KATNIP: variants seen among roughly 807,000 people sequenced by gnomAD.
The protein encoded by KATNIP is katanin-interacting protein.
In KATNIP, 126 loss-of-function variants were observed where a neutral mutation model predicts 174.0. The ratio of observed to expected loss-of-function variants is 0.72; its 90% CI spans 0.63 to 0.84. The LOEUF (loss-of-function observed/expected upper bound fraction) is 0.84, where lower values mean the gene tolerates loss of function less well. KATNIP is among the 40% of genes least tolerant of loss of function. The pLI is 0.00. For missense variants in KATNIP, 1,958 were observed against 2,109.7 expected (o/e 0.93, Z 1.41); for synonymous variants, 810 against 835.7 (o/e 0.97, Z 0.53).
chr16:27,692,129 T>C (rs1426952076), intron 8 of KATNIP, among the ~76,000 whole-genome samples: 1 of 152,210 alleles, frequency 6.6e-6, no homozygotes, highest in Non-Finnish European at 1.5e-5. Context: ...AATGAGCTTG[T>C]GAATTTCAGG....
chr16:27,568,409 G>A (rs370239890), intron 1 of KATNIP, among the ~76,000 whole-genome samples: 4 of 152,186 alleles, frequency 2.6e-5, no homozygotes, highest in African/African-American at 7.2e-5. Context: ...AAGGAAAAAT[G>A]CATTTGTGCT....
rs1395990121 is a variant in KATNIP at position 27,749,713 on chromosome 16, A to G, written c.2753A>G (p.Glu918Gly). ...RSHRGRISNT[E>G]LPGDILDELL... ...CACCGGGGACGCATCTCCAACACGG[A>G]GCTCCCGGGGGACATCCTGGATGAG... The change falls in exon 16 of 28, where the codon GAG (glutamate) becomes GGG (glycine). Residue 918 changes from glutamate (E) to glycine (G), a missense_variant. Physicochemically the swap from Glu to Gly is moderately conservative, Grantham distance 98 (BLOSUM62 -2). Transcript: ENST00000261588. 6.2e-7 allele frequency: 1 copy of G among 1,613,480 alleles called. No homozygotes were observed. The highest frequency in any genetic ancestry group is 8.5e-7 in the Non-Finnish European group (1 of 1,179,764).
chr16:27,742,370 G>A (rs763996180), intron 15 of KATNIP, among the ~76,000 whole-genome samples: 2 of 152,186 alleles, frequency 1.3e-5, no homozygotes, highest in Non-Finnish European at 2.9e-5. Context: ...CTTCCAAATA[G>A]CAACACTGAG....
rs1319399202 is a variant in KATNIP, at chr16:27,777,738, C to T, written c.4680C>T (p.Asp1560=). 3 of 1,614,002 alleles carry T rather than the reference C, an allele frequency of 1.9e-6. No individual in the cohort carries two copies. The highest frequency in any genetic ancestry group is 1.1e-5 in the South Asian group (1 of 91,042). The change falls in exon 26 of 28, where the codon GAC becomes GAT. Residue 1560 remains aspartate (D), a synonymous_variant. Transcript: ENST00000261588. The surrounding 1 kb of genome is among the most constrained non-coding windows in gnomAD (Gnocchi z 4.4). ...CCATCCTCTTCACCGAGGACAGGGA[C>T]ATCCGCCACCAGGAGAAACACACCA... The part of the protein sequence containing the change: ...YHTILFTEDR[D]IRHQEKHTTI...
At chr16:27,648,539 C>T in intron 5 of KATNIP, 65 bp from the exon 6 acceptor site, 3 of 1,592,366 alleles carry the variant, frequency 1.9e-6, no homozygotes, top group Non-Finnish European at 2.6e-6. Flanking sequence ...AGTGCCAGTC[C>T]CTGCCCCGCA....
At chr16:27,778,069 C>T in intron 27 of KATNIP, 100 bp downstream of exon 27, 2 of 1,022,790 alleles carry the variant, frequency 2.0e-6, no homozygotes, top group South Asian at 1.5e-5. Context: ...CCCCTGCCTG[C>T]CCCTAGACCG....
rs1450190598 is a variant in KATNIP, at chr16:27,713,848, ATATATATATC to A, written c.1605+4932_1605+4941del. 1.9e-3 allele frequency among the ~76,000 whole-genome samples: 142 copies of A among 74,474 alleles called. 5 individuals are homozygous for A. The highest frequency in any genetic ancestry group is 8.8e-3 in the Middle Eastern group (1 of 114). 48.9% of individuals were successfully genotyped at this position (74,474 alleles called of 152,430 possible). A position where few individuals can be genotyped will look rare whatever the true frequency, so the allele number is the denominator to read the frequency against. On this transcript the variant is annotated intron_variant, in intron 13 of 27. Coordinates refer to ENST00000261588, the MANE Select transcript of KATNIP (RefSeq NM_015202.5). ...TATATATATATATATATATATATATATATATATATCTATCTCAGATTGTGCCCTTCCCCTA... is the reference window on the plus strand; with the variant it reads ...TATATATATATATATATATATATATATATCTCAGATTGTGCCCTTCCCCTA...
chr16:27,657,728 G>A (rs556211400), intron 6 of KATNIP, among the ~76,000 whole-genome samples: 29 of 152,214 alleles, frequency 1.9e-4, no homozygotes, highest in Admixed American at 7.9e-4. Flanking sequence ...TGGCCAACAC[G>A]GTGAAACCCC....
chr16:27,628,056 G>T (rs1161586797), intron 3 of KATNIP, among the ~76,000 whole-genome samples: 1 of 152,220 alleles, frequency 6.6e-6, no homozygotes, highest in Non-Finnish European at 1.5e-5. Context: ...ACCAACGCCT[G>T]CATTGATATA....
chr16:27,723,122 G>A (rs945121079), intron 14 of KATNIP, among the ~76,000 whole-genome samples: 1 of 152,160 alleles, frequency 6.6e-6, no homozygotes, highest in African/African-American at 2.4e-5. Context: ...AGGCATGGAG[G>A]TGTGAAAGAA....
At chr16:27,673,054 G>T (rs576988093) in intron 6 of KATNIP, among the ~76,000 whole-genome samples, 4 of 152,254 alleles carry the variant, frequency 2.6e-5, no homozygotes, top group African/African-American at 9.6e-5. Context: ...AGAGGGATGT[G>T]CCCATTGTTT....
chr16:27,681,242 C>A, intron 7 of KATNIP, 157 bp from the exon 8 acceptor site: 1 of 907,414 alleles, frequency 1.1e-6, no homozygotes, highest in Non-Finnish European at 1.7e-6. Context: ...CTTGTTTCGT[C>A]GCCTGCATTA....
chr16:27,575,539 C>T (rs2090466572), intron 2 of KATNIP, among the ~76,000 whole-genome samples: 1 of 152,176 alleles, frequency 6.6e-6, no homozygotes, highest in South Asian at 2.1e-4. Flanking sequence ...TGTAAAGTGT[C>T]ATCATTCCTA....
In KATNIP at chr16:27,631,048, C is replaced by T; in HGVS notation, c.311-17C>T. 1 of 1,552,162 alleles carries T rather than the reference C, an allele frequency of 6.4e-7. No individual in the cohort carries two copies. On this transcript the variant is annotated splice_polypyrimidine_tract_variant and intron_variant, in intron 4 of 27. Coordinates refer to ENST00000261588, the MANE Select transcript of KATNIP (RefSeq NM_015202.5). ...ATCAGTGCCTCACCAAGTCTCCTTC[C>T]CTCGTCTCTGGTGCAGATTATGGAC... is the stretch of plus-strand genomic sequence containing the variant.
chr16:27,707,660 A>G (rs908173310), intron 12 of KATNIP, among the ~76,000 whole-genome samples: 1 of 152,218 alleles, frequency 6.6e-6, no homozygotes, highest in South Asian at 2.1e-4. Context: ...AATACCACAC[A>G]TGGGGTGGCT....
chr16:27,611,319 G>A (rs554975456), intron 2 of KATNIP, among the ~76,000 whole-genome samples: 17 of 152,252 alleles, frequency 1.1e-4, no homozygotes, highest in African/African-American at 3.4e-4. Context: ...GATGAACTTG[G>A]CATTTTTTCA....
chr16:27,693,404 T>G (rs2078802219), intron 8 of KATNIP, among the ~76,000 whole-genome samples: 1 of 152,138 alleles, frequency 6.6e-6, no homozygotes, highest in Non-Finnish European at 1.5e-5. Context: ...TTTCTTTTTT[T>G]TTGAGATGGA....
chr16:27,641,927 A>G (rs907368814), intron 5 of KATNIP, among the ~76,000 whole-genome samples: 1 of 152,152 alleles, frequency 6.6e-6, no homozygotes, highest in African/African-American at 2.4e-5. Flanking sequence ...TGAGTCAGGC[A>G]GCTCCTCAGG....
chr16:27,654,312 C>T (rs1241152611), intron 6 of KATNIP, among the ~76,000 whole-genome samples: 1 of 152,140 alleles, frequency 6.6e-6, no homozygotes, highest in Non-Finnish European at 1.5e-5. Context: ...CATACCTTGG[C>T]CATCTTTCTA....
Sources: allele counts gnomAD v4.1 joint callset (sites outside exome capture counted in the v4.1 genomes callset), GRCh38; gene constraint gnomAD v4.1.1; non-coding constraint Gnocchi (gnomAD v3.1); transcripts MANE v1.5; gene names NCBI Gene and HGNC (gene_info 2026-07-23, HGNC 2026-07-21).